Variants in SLC25A26 observed in about 807,000 individuals in gnomAD.
The protein encoded by SLC25A26 is solute carrier family 25 member 26, also known as mitochondrial S-adenosylmethionine carrier protein.
In SLC25A26, 36 loss-of-function variants were observed where a neutral mutation model predicts 37.8. The ratio of observed to expected loss-of-function variants is 0.95; its 90% CI spans 0.73 to 1.26. The LOEUF (loss-of-function observed/expected upper bound fraction) is 1.26, where lower values mean the gene tolerates loss of function less well. Among genes scored for constraint, SLC25A26 ranks in the 50% most tolerant of loss-of-function variants. The pLI, the probability that SLC25A26 is intolerant of heterozygous loss-of-function variation, is 0.00. For synonymous variants in SLC25A26, 129 were observed against 122.5 expected, an observed-to-expected ratio of 1.05 and a Z score of -0.35; for missense variants, 390 against 331.1, an observed-to-expected ratio of 1.18 and a Z score of -1.38.
chr3:66,310,527 C>T (rs558508237), intron 5 of SLC25A26, among the ~76,000 whole-genome samples: 12 of 152,164 alleles, frequency 7.9e-5, no homozygotes, highest in African/African-American at 2.6e-4. Flanking sequence ...TGTGTGAATT[C>T]GATCTGTCAT....
chr3:66,367,102 T>C (rs867403890), intron 7 of SLC25A26, among the ~76,000 whole-genome samples: 1 of 152,198 alleles, frequency 6.6e-6, no homozygotes, highest in South Asian at 2.1e-4. Context: ...GTGCCTGCTG[T>C]GAGTGTGCTG....
chr3:66,343,106 A>C (rs2076245908), intron 5 of SLC25A26, among the ~76,000 whole-genome samples: 1 of 152,234 alleles, frequency 6.6e-6, no homozygotes, highest in Non-Finnish European at 1.5e-5. Context: ...AATCACTGTT[A>C]TGTAACTTCA....
At chr3:66,264,625 C>A (rs541057679) in intron 5 of SLC25A26, among the ~76,000 whole-genome samples, 1 of 152,166 alleles carries the variant, frequency 6.6e-6, no homozygotes, top group Non-Finnish European at 1.5e-5. Context: ...GCATGATGAT[C>A]GGAGGTGGAA....
Position 66,175,095 on chromosome 3 carries a change from GTA to G in SLC25A26, c.-354+41115_-354+41116del, listed in dbSNP as rs2070558358. ...AACCAACAGGACATTATATGTATAT[GTA>G]TATGTGTGTGTGTATATATATATAT... On this transcript the variant is annotated intron_variant, in intron 1 of 10. Coordinates refer to the SLC25A26 transcript ENST00000676754. Among the ~76,000 whole-genome samples, 13 of 93,900 alleles carry G rather than the reference GTA, an allele frequency of 1.4e-4. 1 individual carries two copies. The South Asian group carries it at 3.2e-3, about 23-fold the overall frequency. The allele number at this position is 93,900 out of a possible 152,430, so 61.6% of individuals were successfully genotyped here.
chr3:66,286,358 G>T (rs2074512369), intron 5 of SLC25A26, among the ~76,000 whole-genome samples: 1 of 151,968 alleles, frequency 6.6e-6, no homozygotes, highest in Non-Finnish European at 1.5e-5. Context: ...TCCATTTTGA[G>T]TTGATTTTTA....
chr3:66,268,743 G>C (rs1051982041), intron 5 of SLC25A26, among the ~76,000 whole-genome samples: 1 of 152,170 alleles, frequency 6.6e-6, no homozygotes, highest in Non-Finnish European at 1.5e-5. Context: ...CCACGTGGCA[G>C]GGGAGGGACC....
chr3:66,335,687 T>C lies in SLC25A26; in HGVS notation c.454-10677T>C, dbSNP rs548810728. Among the ~76,000 whole-genome samples, 14 of 152,308 alleles carry C rather than the reference T, an allele frequency of 9.2e-5. No individual in the cohort carries two copies. The South Asian group carries it at 2.9e-3, about 32-fold the overall frequency. Reference sequence around the variant, plus strand: ...CTGTTAGGTGAGATGCTGGATGTGATGAGAAGTAAGCCAGACACCTCCCCT... The same window carrying C: ...CTGTTAGGTGAGATGCTGGATGTGACGAGAAGTAAGCCAGACACCTCCCCT... On this transcript the variant is annotated intron_variant, in intron 5 of 9. Transcript: ENST00000354883.
intron 1 of SLC25A26, among the ~76,000 whole-genome samples, chr3:66,173,655 C>T (rs527664887): frequency 6.6e-6 from 1 of 152,316 alleles, no homozygotes; most frequent in East Asian, 1.9e-4. Context: ...TATAAAAGAA[C>T]ATAATTGCCT....
chr3:66,312,372 T>C (rs902214155), intron 5 of SLC25A26, among the ~76,000 whole-genome samples: 1 of 152,156 alleles, frequency 6.6e-6, no homozygotes, highest in African/African-American at 2.4e-5. Flanking sequence ...TCAGAATGCT[T>C]TGCTGGCAGC....
intron 7 of SLC25A26, among the ~76,000 whole-genome samples, chr3:66,363,494 A>G (rs2030569): frequency 0.3 from 45,875 of 152,112 alleles, 7,643 homozygotes; most frequent in East Asian, 0.69. Flanking sequence ...ACAATATGCA[A>G]TACCGTGTTA....
intron 4 of SLC25A26, among the ~76,000 whole-genome samples, 195 bp downstream of exon 4, chr3:66,262,350 A>G (rs971715296): frequency 1.3e-5 from 2 of 152,194 alleles, no homozygotes; most frequent in Non-Finnish European, 2.9e-5. Context: ...ATGTTTTTCA[A>G]ATTTCTGAGC....
At chr3:66,178,511 C>T (rs181985685) in intron 1 of SLC25A26, among the ~76,000 whole-genome samples, 33 of 152,260 alleles carry the variant, frequency 2.2e-4, no homozygotes, top group Non-Finnish European at 2.4e-4. Flanking sequence ...CAGTAATGTA[C>T]ATTTATATTG....
chr3:66,199,178 G>A (rs2071081012), intron 1 of SLC25A26, among the ~76,000 whole-genome samples: 2 of 151,754 alleles, frequency 1.3e-5, no homozygotes, highest in African/African-American at 4.8e-5. Flanking sequence ...CCATCACCCT[G>A]ACTTTGATCC....
intron 1 of SLC25A26, among the ~76,000 whole-genome samples, chr3:66,137,339 G>A (rs906848827): frequency 6.7e-6 from 1 of 148,892 alleles, no homozygotes; most frequent in Admixed American, 6.9e-5. Context: ...CAATTCTTCT[G>A]CCTCAGCCTC....
At chr3:66,152,598 C>T (rs2070223386) in intron 1 of SLC25A26, among the ~76,000 whole-genome samples, 1 of 150,830 alleles carries the variant, frequency 6.6e-6, no homozygotes, top group African/African-American at 2.4e-5. Flanking sequence ...CATATGGTAT[C>T]ATCTAGTGGA....
At chr3:66,303,075 C>T (rs1346541577) in intron 5 of SLC25A26, among the ~76,000 whole-genome samples, 1 of 151,996 alleles carries the variant, frequency 6.6e-6, no homozygotes, top group Non-Finnish European at 1.5e-5. Context: ...TTTAAATGTC[C>T]CCTGGGAGGT....
chr3:66,247,343 C>A (rs1453103627), intron 3 of SLC25A26, among the ~76,000 whole-genome samples: 1 of 152,134 alleles, frequency 6.6e-6, no homozygotes, highest in Non-Finnish European at 1.5e-5. Context: ...GGGTCTCACT[C>A]TGTCAACCAG....
At chr3:66,273,259 C>G (rs973920814) in intron 5 of SLC25A26, among the ~76,000 whole-genome samples, 1 of 151,978 alleles carries the variant, frequency 6.6e-6, no homozygotes. Context: ...ATTCTCTTTT[C>G]TGGTTGTATC....
At chr3:66,282,996 C>G (rs1375685563) in intron 5 of SLC25A26, among the ~76,000 whole-genome samples, 2 of 152,188 alleles carry the variant, frequency 1.3e-5, no homozygotes, top group Non-Finnish European at 2.9e-5. Flanking sequence ...CTTTGAGATT[C>G]ATCCCAGTTA....
Sources: gnomAD v4.1 joint callset for allele counts (sites outside exome capture counted in the v4.1 genomes callset) on GRCh38, gnomAD v4.1.1 for gene constraint, MANE v1.5 for transcripts, NCBI Gene and HGNC (gene_info 2026-07-23, HGNC 2026-07-21) for gene names.